SPMAP2L: variants seen among roughly 807,000 people sequenced by gnomAD.
The protein encoded by SPMAP2L is sperm microtubule associated protein 2 like.
chr4:56,537,935 T>C, the SPMAP2L span, among the ~76,000 whole-genome samples: 94 of 152,198 alleles, frequency 6.2e-4, no homozygotes, highest in African/African-American at 1.6e-3. Flanking sequence ...CCTTGTGATC[T>C]GCCCGCCTCG....
At chr4:56,560,243 T>A in the SPMAP2L span, among the ~76,000 whole-genome samples, 1 of 152,214 alleles carries the variant, frequency 6.6e-6, no homozygotes, top group Non-Finnish European at 1.5e-5. Context: ...AATCACCTGT[T>A]GCGACTCCTG....
chr4:56,550,111 G>T, the SPMAP2L span, among the ~76,000 whole-genome samples: 1 of 151,926 alleles, frequency 6.6e-6, no homozygotes, highest in Non-Finnish European at 1.5e-5. Flanking sequence ...TACATGTATG[G>T]TTATTATTCA....
At chr4:56,535,578 G>T in the SPMAP2L span, among the ~76,000 whole-genome samples, 1 of 152,030 alleles carries the variant, frequency 6.6e-6, no homozygotes, top group African/African-American at 2.4e-5. Flanking sequence ...TGCTCACTCG[G>T]GGAGCTCAGT....
the SPMAP2L span, chr4:56,593,260 G>A: frequency 8.0e-7 from 1 of 1,244,778 alleles, no homozygotes; most frequent in East Asian, 2.3e-5. Flanking sequence ...ATGAGGGACT[G>A]CGGCTGCAGA....
chr4:56,550,958 G>A, the SPMAP2L span, among the ~76,000 whole-genome samples: 11 of 147,584 alleles, frequency 7.5e-5, no homozygotes, highest in Admixed American at 6.8e-5. Flanking sequence ...ATCTCTAACA[G>A]AAAAAAAAAA....
At chr4:56,531,301 TGAAAA>T in the SPMAP2L span, 1 of 1,263,400 alleles carries the variant, frequency 7.9e-7, no homozygotes, top group Non-Finnish European at 1.1e-6. Flanking sequence ...CTTGCCATAT[TGAAAA>T]GAACTCGTGT....
chr4:56,539,823 C>T, the SPMAP2L span, among the ~76,000 whole-genome samples: 1 of 152,186 alleles, frequency 6.6e-6, no homozygotes, highest in African/African-American at 2.4e-5. Flanking sequence ...AAAGTAGGCA[C>T]CCTCTCCTTC....
chr4:56,585,219 T>G, the SPMAP2L span, among the ~76,000 whole-genome samples: 1 of 152,204 alleles, frequency 6.6e-6, no homozygotes, highest in East Asian at 1.9e-4. Context: ...ATTCACCCAC[T>G]CATAAAATTA....
At chr4:56,591,749 T>G in the SPMAP2L span, among the ~76,000 whole-genome samples, 1 of 152,198 alleles carries the variant, frequency 6.6e-6, no homozygotes, top group Non-Finnish European at 1.5e-5. Context: ...ACCATGTAAT[T>G]TGAACAAATT....
chr4:56,566,700 T>TC, the SPMAP2L span, among the ~76,000 whole-genome samples: 19 of 84,310 alleles, frequency 2.3e-4, no homozygotes, highest in South Asian at 7.4e-4. Flanking sequence ...TTTTTCTTTT[T>TC]TTTTTTTTTT....
At chr4:56,617,291 G>A in the SPMAP2L span, among the ~76,000 whole-genome samples, 1 of 152,160 alleles carries the variant, frequency 6.6e-6, no homozygotes, top group Non-Finnish European at 1.5e-5. Flanking sequence ...AGGCACTGTA[G>A]AAATACAATA....
the SPMAP2L span, among the ~76,000 whole-genome samples, chr4:56,568,973 T>C: frequency 6.6e-6 from 1 of 152,266 alleles, no homozygotes; most frequent in Admixed American, 6.5e-5. Flanking sequence ...TTCATCTGTG[T>C]TGTAGCATGT....
chr4:56,564,174 C>T, the SPMAP2L span, among the ~76,000 whole-genome samples: 7 of 150,824 alleles, frequency 4.6e-5, no homozygotes, highest in Non-Finnish European at 8.8e-5. Flanking sequence ...CACTCTGTCA[C>T]CCAGACTGGA....
the SPMAP2L span, among the ~76,000 whole-genome samples, chr4:56,623,762 C>T: frequency 6.6e-6 from 1 of 152,164 alleles, no homozygotes; most frequent in East Asian, 1.9e-4. Context: ...GTGCCTTTCA[C>T]CTCCCACCAT....
At chr4:56,546,459 A>G in the SPMAP2L span, among the ~76,000 whole-genome samples, 94 of 152,286 alleles carry the variant, frequency 6.2e-4, no homozygotes, top group South Asian at 0.018. Flanking sequence ...AATTGGTCTG[A>G]GATGTGGCCT....
the SPMAP2L span, among the ~76,000 whole-genome samples, chr4:56,583,155 T>C: frequency 1.3e-5 from 2 of 152,044 alleles, no homozygotes; most frequent in Non-Finnish European, 2.9e-5. Flanking sequence ...GTGCCTGTAA[T>C]CCGAGCTACT....
At chr4:56,601,633 G>A in the SPMAP2L span, among the ~76,000 whole-genome samples, 1 of 152,008 alleles carries the variant, frequency 6.6e-6, no homozygotes, top group African/African-American at 2.4e-5. Context: ...GTGGTGGCAT[G>A]TGCCTGTAGT....
chr4:56,614,955 A>G, the SPMAP2L span, among the ~76,000 whole-genome samples: 1 of 152,188 alleles, frequency 6.6e-6, no homozygotes, highest in Non-Finnish European at 1.5e-5. Flanking sequence ...GGATGTTTAT[A>G]AAATCCTAAA....
the SPMAP2L span, among the ~76,000 whole-genome samples, chr4:56,537,512 T>C: frequency 6.6e-6 from 1 of 152,172 alleles, no homozygotes; most frequent in African/African-American, 2.4e-5. Context: ...TAAGAAAATA[T>C]CTTGAAGTTA....
Sources: allele counts gnomAD v4.1 joint callset (sites outside exome capture counted in the v4.1 genomes callset), GRCh38; gene constraint gnomAD v4.1.1; transcripts MANE v1.5; gene names NCBI Gene and HGNC (gene_info 2026-07-23, HGNC 2026-07-21).